Variants in NPIPB11 observed in about 807,000 individuals in gnomAD.
NPIPB11 encodes the protein nuclear pore complex-interacting protein family member B11.
Under a neutral mutation model 32.8 loss-of-function variants are expected in NPIPB11, and 17 were observed. That is an observed-to-expected ratio of 0.52 (90% CI 0.35 to 0.78). The LOEUF is 0.78. Ranked by LOEUF, NPIPB11 falls within the 30% of genes least tolerant of loss-of-function variation. The pLI is 0.01. For synonymous variants in NPIPB11, 209 were observed against 398.4 expected, an observed-to-expected ratio of 0.52 and a Z score of 5.66; for missense variants, 537 against 1,000.4, an observed-to-expected ratio of 0.54 and a Z score of 6.25.
intron 2 of NPIPB11, among the ~76,000 whole-genome samples, chr16:29,401,739 T>C (rs1014189321): frequency 6.6e-6 from 1 of 152,104 alleles, no homozygotes; most frequent in Non-Finnish European, 1.5e-5. Context: ...TTGGGAGCCA[T>C]TGAGACTGGC....
chr16:29,390,773 C>A (rs954484332), intron 3 of NPIPB11, among the ~76,000 whole-genome samples: 1 of 151,486 alleles, frequency 6.6e-6, no homozygotes, highest in Non-Finnish European at 1.5e-5. Context: ...AGACCAGCCT[C>A]ACCAACATGG....
rs1963887792 is a variant in NPIPB11, at chr16:29,397,533, A to G, written c.121-3457T>C. 2.7e-6 allele frequency: 4 copies of G among 1,507,444 alleles called. No individual in the cohort carries two copies. In the South Asian group the frequency reaches 4.8e-5, roughly 18 times the overall value. 93.4% of individuals were successfully genotyped at this position (1,507,444 alleles called of 1,614,324 possible). A position where few individuals can be genotyped will look rare whatever the true frequency, so the allele number is the denominator to read the frequency against. ...ATGCCGCGTGACACAGCCCAGTAAAAAGGAAGAAACCCCGAGGGTCCAGCG... is the reference window on the plus strand; with the variant it reads ...ATGCCGCGTGACACAGCCCAGTAAAGAGGAAGAAACCCCGAGGGTCCAGCG... On this transcript the variant is annotated intron_variant, in intron 2 of 7. Coordinates refer to ENST00000524087, the Ensembl canonical transcript of NPIPB11.
chr16:29,389,903 G>A (rs765695188), intron 5 of NPIPB11, 38 bp downstream of exon 5: 4 of 1,578,204 alleles, frequency 2.5e-6, no homozygotes, highest in Non-Finnish European at 1.7e-6. Context: ...ATTGGCACAT[G>A]GTTCCTACAA....
chr16:29,397,169 T>A (rs1596680733), intron 2 of NPIPB11, among the ~76,000 whole-genome samples: 3 of 138,864 alleles, frequency 2.2e-5, no homozygotes, highest in Non-Finnish European at 1.6e-5. Flanking sequence ...AGACTCTGTC[T>A]AAAAAAAAAA....
intron 2 of NPIPB11, among the ~76,000 whole-genome samples, chr16:29,401,619 C>T (rs534543168): frequency 1.3e-5 from 2 of 152,198 alleles, no homozygotes; most frequent in East Asian, 1.9e-4. Context: ...TGGAGTCCAC[C>T]GAGTATTTCA....
intron 2 of NPIPB11, among the ~76,000 whole-genome samples, chr16:29,394,429 CTTTTTTTT>C (rs1248252716): frequency 8.2e-6 from 1 of 122,356 alleles, no homozygotes; most frequent in East Asian, 2.3e-4. Context: ...AAAAAAACCT[CTTTTTTTT>C]TTTTTTTTTT....
At chr16:29,397,161 ACT>A (rs1000389092) in intron 2 of NPIPB11, among the ~76,000 whole-genome samples, 2 of 113,370 alleles carry the variant, frequency 1.8e-5, no homozygotes, top group East Asian at 2.2e-4. Context: ...ACAGAGTGAG[ACT>A]CTGTCTAAAA....
upstream of NPIPB11, among the ~76,000 whole-genome samples, chr16:29,405,528 C>G (rs1964095343): frequency 6.6e-6 from 1 of 152,250 alleles, no homozygotes; most frequent in South Asian, 2.1e-4. Context: ...CTTAAACCTG[C>G]TAGCAAGCTT....
intron 5 of NPIPB11, among the ~76,000 whole-genome samples, chr16:29,389,393 G>C (rs1230921975): frequency 7.8e-5 from 10 of 127,948 alleles, no homozygotes; most frequent in Admixed American, 4.8e-4. Context: ...AAAAAAAAAG[G>C]CTGGCTGTGG....
At chr16:29,390,712 C>G (rs1023433291) in intron 3 of NPIPB11, among the ~76,000 whole-genome samples, 8 of 151,814 alleles carry the variant, frequency 5.3e-5, no homozygotes, top group Non-Finnish European at 1.2e-4. Flanking sequence ...TCCTGTAATC[C>G]CAGCACTTTG....
exon 8 of NPIPB11, chr16:29,383,370 C>A (rs199823433): frequency 1.8e-6 from 1 of 552,900 alleles, no homozygotes; most frequent in Non-Finnish European, 2.8e-6. Context: ...AGTGAGCTGA[C>A]GCTCAGAAGG....
upstream of NPIPB11, among the ~76,000 whole-genome samples, chr16:29,406,362 T>G (rs934991237): frequency 1.3e-5 from 2 of 152,286 alleles, no homozygotes; most frequent in African/African-American, 4.8e-5. Flanking sequence ...TTATACAAAT[T>G]TAATATGATT....
exon 3 of NPIPB11, chr16:29,393,975 G>A: frequency 1.3e-6 from 2 of 1,599,286 alleles, no homozygotes; most frequent in Non-Finnish European, 1.7e-6. Context: ...AGAGGGTAAT[G>A]ACAACTTTAT....
At chr16:29,406,359 A>C (rs1387165566), upstream of NPIPB11, among the ~76,000 whole-genome samples, 8 of 152,274 alleles carry the variant, frequency 5.3e-5, no homozygotes, top group Non-Finnish European at 7.3e-5. Flanking sequence ...CATTTATACA[A>C]ATTTAATATG....
intron 3 of NPIPB11, 37 bp downstream of exon 3, chr16:29,393,911 T>A: frequency 1.3e-6 from 2 of 1,488,862 alleles, no homozygotes; most frequent in Admixed American, 2.1e-5. Flanking sequence ...TTATTTGTGA[T>A]TACAAGTATA....
At chr16:29,393,778 A>G (rs920629624) in intron 3 of NPIPB11, among the ~76,000 whole-genome samples, 170 bp downstream of exon 3, 2 of 152,224 alleles carry the variant, frequency 1.3e-5, no homozygotes, top group African/African-American at 2.4e-5. Flanking sequence ...TTTAATTTTC[A>G]TAACGCAAAT....
At chr16:29,391,879 C>T (rs1161189756) in intron 3 of NPIPB11, among the ~76,000 whole-genome samples, 2 of 151,964 alleles carry the variant, frequency 1.3e-5, no homozygotes, top group South Asian at 2.1e-4. Context: ...TGCTACCATG[C>T]CTGGCTAATT....
At chr16:29,394,683 C>T (rs568849306) in intron 2 of NPIPB11, among the ~76,000 whole-genome samples, 2 of 152,266 alleles carry the variant, frequency 1.3e-5, no homozygotes, top group African/African-American at 4.8e-5. Context: ...CTGCCTGCCT[C>T]AGCCTCCCAA....
At chr16:29,394,046 G>A (rs768176436) in exon 3 of NPIPB11, 7 of 1,599,126 alleles carry the variant, frequency 4.4e-6, no homozygotes, top group East Asian at 2.2e-5. Context: ...TCAGTCCCAC[G>A]ATGATGATGG....
Sources: allele counts gnomAD v4.1 joint callset (sites outside exome capture counted in the v4.1 genomes callset), GRCh38; gene constraint gnomAD v4.1.1; transcripts MANE v1.5; gene names NCBI Gene and HGNC (gene_info 2026-07-23, HGNC 2026-07-21).